Variants in PLEKHB2 observed in about 807,000 individuals in gnomAD.
The protein encoded by PLEKHB2 is pleckstrin homology domain-containing family B member 2.
PLEKHB2 carries 31 observed loss-of-function variants against 36.5 expected under a neutral mutation model. The observed-to-expected ratio is 0.85, with a 90% CI of 0.64 to 1.15. PLEKHB2 has a LOEUF of 1.15. PLEKHB2 is among the 50% of genes most tolerant of loss of function. The pLI is 0.00. For synonymous variants in PLEKHB2, 119 were observed against 112.0 expected (o/e 1.06, Z -0.39); for missense variants, 262 against 295.3 (o/e 0.89, Z 0.83).
At chr2:131,136,952 T>C (rs1367773631) in intron 6 of PLEKHB2, among the ~76,000 whole-genome samples, 3 of 149,262 alleles carry the variant, frequency 2.0e-5, no homozygotes, top group African/African-American at 7.4e-5. Context: ...TTCTTTCTTT[T>C]TTTTTTTTTT....
chr2:131,134,529 C>T (rs907132032), intron 6 of PLEKHB2, among the ~76,000 whole-genome samples: 2 of 152,098 alleles, frequency 1.3e-5, no homozygotes, highest in African/African-American at 4.8e-5. Context: ...TTTCAGGGCT[C>T]TGTTGAGTGT....
At chr2:131,125,605 T>A (rs893193797) in intron 2 of PLEKHB2, 148 bp from the exon 3 acceptor site, 1 of 614,488 alleles carries the variant, frequency 1.6e-6, no homozygotes, top group Non-Finnish European at 2.8e-6. Flanking sequence ...AACGGGAGGC[T>A]GAAATGGGAG....
intron 7 of PLEKHB2, among the ~76,000 whole-genome samples, chr2:131,143,311 G>T (rs1463489168): frequency 6.6e-6 from 1 of 152,044 alleles, no homozygotes; most frequent in Non-Finnish European, 1.5e-5. Context: ...CGGTTTTTTG[G>T]GATATGATTT....
At chr2:131,115,503 G>A (rs1056538175) in intron 1 of PLEKHB2, among the ~76,000 whole-genome samples, 9 of 151,590 alleles carry the variant, frequency 5.9e-5, no homozygotes, top group African/African-American at 1.7e-4. Context: ...ACAGGCATGC[G>A]CCACCATGCC....
rs373548940 is a variant in PLEKHB2, at chr2:131,121,032, T to C, written c.37+54T>C. On this transcript the variant is annotated intron_variant, in intron 2 of 7. Transcript: ENST00000693505. ...GGCATTGCCGAAGGGCAGTCTCTAT[T>C]TCTGTTTGCTTAAAGTTGATCATAT... 53 of 1,557,340 alleles carry C rather than the reference T, an allele frequency of 3.4e-5. No individual in the cohort carries two copies. The African/African-American group carries it at 6.5e-4, about 19-fold the overall frequency.
intron 2 of PLEKHB2, among the ~76,000 whole-genome samples, chr2:131,123,938 T>G (rs1329656313): frequency 6.6e-6 from 1 of 151,706 alleles, no homozygotes; most frequent in Non-Finnish European, 1.5e-5. Flanking sequence ...AGCCTTGATC[T>G]TCCAGGTTCA....
At chr2:131,111,359 T>C (rs931712052) in intron 1 of PLEKHB2, among the ~76,000 whole-genome samples, 1 of 143,538 alleles carries the variant, frequency 7.0e-6, no homozygotes, top group Admixed American at 6.8e-5. Flanking sequence ...CATCTCTTGG[T>C]CTTTTTTTTT....
chr2:131,120,847 C>G lies in PLEKHB2; in HGVS notation c.-8-87C>G, dbSNP rs747655499. On this transcript the variant is annotated intron_variant, in intron 1 of 7. Transcript: ENST00000693505. ...GCCTTGGGCCCTTCCTCAGCTGATGCTGAAGGGGATAAGGATAGAGACTCG... is the reference window on the plus strand; with the variant it reads ...GCCTTGGGCCCTTCCTCAGCTGATGGTGAAGGGGATAAGGATAGAGACTCG... 4.4e-6 allele frequency: 6 copies of G among 1,362,044 alleles called. No individual in the cohort carries two copies. In the Admixed American group the frequency reaches 8.7e-5, roughly 20 times the overall value. 84.4% of individuals were successfully genotyped at this position (1,362,044 alleles called of 1,614,324 possible).
intron 2 of PLEKHB2, among the ~76,000 whole-genome samples, chr2:131,121,932 G>T (rs1421350707): frequency 1.3e-5 from 2 of 150,688 alleles, no homozygotes; most frequent in African/African-American, 2.5e-5. Flanking sequence ...TATTTTTTGA[G>T]ATGGAATTTT....
At chr2:131,133,227 C>T (rs970201000) in intron 6 of PLEKHB2, among the ~76,000 whole-genome samples, 1 of 152,120 alleles carries the variant, frequency 6.6e-6, no homozygotes, top group Non-Finnish European at 1.5e-5. Flanking sequence ...TCTAAAAATG[C>T]ATCATGTTAA....
At chr2:131,106,070 T>A (rs1055491169) in intron 1 of PLEKHB2, among the ~76,000 whole-genome samples, 2 of 152,124 alleles carry the variant, frequency 1.3e-5, no homozygotes, top group Non-Finnish European at 2.9e-5. Context: ...CTTACATATC[T>A]CTCTTCATGT....
At position 131,121,927 on chromosome 2, in the gene PLEKHB2, T is replaced by A. The variant is rs1053509115; in HGVS notation, c.37+949T>A. Among the ~76,000 whole-genome samples the A allele has an allele frequency of 2.0e-5, 3 of 148,702 alleles. 1 individual carries two copies. The highest frequency in any genetic ancestry group is 6.3e-3 in the Middle Eastern group (2 of 316). The stretch of plus-strand genomic sequence containing the variant: ...TTTTTATTTATTTATTTATTTATTT[T>A]TTGAGATGGAATTTTGCTCTTGTTG... On this transcript the variant is annotated intron_variant, in intron 2 of 7. Coordinates refer to ENST00000693505, the MANE Select transcript of PLEKHB2 (RefSeq NM_001100623.2).
At position 131,123,130 on chromosome 2, in the gene PLEKHB2, C is replaced by T. The variant is rs116335475; in HGVS notation, c.37+2152C>T. ...ATGTACTTTAAATAAGTCACATAGA[C>T]TTTTCCAGTGTTCTGGTCCATGGGT... is the stretch of plus-strand genomic sequence containing the variant. On this transcript the variant is annotated intron_variant, in intron 2 of 7. Coordinates refer to ENST00000693505, the MANE Select transcript of PLEKHB2 (RefSeq NM_001100623.2). 5.6e-3 allele frequency among the ~76,000 whole-genome samples: 846 copies of T among 152,314 alleles called. 6 individuals are homozygous for T. The highest frequency in any genetic ancestry group is 0.019 in the African/African-American group (806 of 41,564).
chr2:131,106,319 G>A (rs1694728976), intron 1 of PLEKHB2, among the ~76,000 whole-genome samples: 1 of 152,166 alleles, frequency 6.6e-6, no homozygotes, highest in African/African-American at 2.4e-5. Context: ...AACCACCACC[G>A]AGGGAGGAGG....
At chr2:131,122,564 GTAT>G (rs1482234043) in intron 2 of PLEKHB2, among the ~76,000 whole-genome samples, 1 of 152,158 alleles carries the variant, frequency 6.6e-6, no homozygotes, top group Non-Finnish European at 1.5e-5. Context: ...GAGGTAAGTG[GTAT>G]TATTTCCAGT....
At position 131,106,679 on chromosome 2, in the gene PLEKHB2, T is replaced by G. The variant is rs147262766; in HGVS notation, c.-9+1281T>G. The stretch of plus-strand genomic sequence containing the variant: ...CTGGTTGGCTGGATATTGATAGGAC[T>G]GGAGCTTGTCTGGGCTTCCTTTGTG... On this transcript the variant is annotated intron_variant, in intron 1 of 7. Transcript: ENST00000693505. Among the ~76,000 whole-genome samples, 1,205 of 152,254 alleles carry G rather than the reference T, an allele frequency of 7.9e-3. 12 individuals carry two copies. Among genetic ancestry groups the G allele is most frequent in the Non-Finnish European group, 0.013 (881 of 67,996 alleles).
At chr2:131,119,134 A>G (rs1419457863) in intron 1 of PLEKHB2, among the ~76,000 whole-genome samples, 1 of 151,782 alleles carries the variant, frequency 6.6e-6, no homozygotes. Context: ...ATGCTCCTGT[A>G]GTCCCAGCTA....
Position 131,146,810 on chromosome 2 carries a change from C to A in PLEKHB2, c.*37C>A, listed in dbSNP as rs1433309248. The A allele has an allele frequency of 2.6e-6, 4 of 1,522,986 alleles. No homozygotes were observed. The highest frequency in any genetic ancestry group is 1.3e-5 in the South Asian group (1 of 79,320). 94.3% of individuals were successfully genotyped at this position (1,522,986 alleles called of 1,614,324 possible). A position where few individuals can be genotyped will look rare whatever the true frequency, so the allele number is the denominator to read the frequency against. On this transcript the variant is annotated 3_prime_UTR_variant, in exon 8 of 8. Coordinates refer to ENST00000693505, the MANE Select transcript of PLEKHB2 (RefSeq NM_001100623.2). Reference sequence around the variant, plus strand: ...TCTTGATGTGCATAGCTTCTGATAACCCTGTGTGCAATAATATGATTTGCA... The same window carrying A: ...TCTTGATGTGCATAGCTTCTGATAAACCTGTGTGCAATAATATGATTTGCA...
At position 131,121,117 on chromosome 2, in the gene PLEKHB2, C is replaced by G; in HGVS notation, c.37+139C>G. 3 of 748,330 alleles carry G rather than the reference C, an allele frequency of 4.0e-6. No homozygotes were observed. In the Admixed American group the frequency reaches 8.1e-5, roughly 20 times the overall value. The allele number at this position is 748,330 out of a possible 1,614,324, so 46.4% of individuals were successfully genotyped here. A position where few individuals can be genotyped will look rare whatever the true frequency, so the allele number is the denominator to read the frequency against. On this transcript the variant is annotated intron_variant, in intron 2 of 7. Coordinates refer to ENST00000693505, the MANE Select transcript of PLEKHB2 (RefSeq NM_001100623.2). ...GGCCTTGAGTTTCCCCTTGGACATTCCTAGATCTCTGTGAACTGTCTTGCA... is the reference window on the plus strand; with the variant it reads ...GGCCTTGAGTTTCCCCTTGGACATTGCTAGATCTCTGTGAACTGTCTTGCA...
Sources: gnomAD v4.1 joint callset for allele counts (sites outside exome capture counted in the v4.1 genomes callset) on GRCh38, gnomAD v4.1.1 for gene constraint, MANE v1.5 for transcripts, NCBI Gene and HGNC (gene_info 2026-07-23, HGNC 2026-07-21) for gene names.